GPR176: variants seen among roughly 807,000 people sequenced by gnomAD.
GPR176 encodes G-protein coupled receptor 176.
A neutral mutation model predicts 35.4 loss-of-function variants in GPR176; 26 were observed. That is an observed-to-expected ratio of 0.74 (90% CI 0.54 to 1.02). The LOEUF (loss-of-function observed/expected upper bound fraction) is 1.02, where lower values mean the gene tolerates loss of function less well. Among genes scored for constraint, GPR176 ranks in the 50% least tolerant of loss-of-function variants. The pLI, the probability that GPR176 is intolerant of heterozygous loss-of-function variation, is 0.00. For synonymous variants in GPR176, 278 were observed against 271.3 expected (o/e 1.02, Z -0.24); for missense variants, 597 against 665.3 (o/e 0.90, Z 1.13).
intron 1 of GPR176, among the ~76,000 whole-genome samples, chr15:39,807,846 C>T (rs1207666928): frequency 6.6e-6 from 1 of 152,100 alleles, no homozygotes; most frequent in Non-Finnish European, 1.5e-5. Context: ...TTTTATTTTA[C>T]ACTTACAGCA....
At chr15:39,806,915 C>A in intron 2 of GPR176, 91 bp downstream of exon 2, 2 of 1,146,028 alleles carry the variant, frequency 1.7e-6, no homozygotes, top group Non-Finnish European at 2.5e-6. Flanking sequence ...AAGCAGTATA[C>A]GGAACATTGA....
At chr15:39,882,265 G>A (rs2032504440) in intron 1 of GPR176, among the ~76,000 whole-genome samples, 1 of 152,142 alleles carries the variant, frequency 6.6e-6, no homozygotes, top group East Asian at 1.9e-4. Context: ...TGCAAGTATT[G>A]GCAAAATTAT....
intron 1 of GPR176, among the ~76,000 whole-genome samples, chr15:39,895,280 GGGGAGAGGA>G (rs2033074597): frequency 6.1e-5 from 2 of 32,898 alleles, no homozygotes; most frequent in Non-Finnish European, 1.4e-4. Flanking sequence ...GGGAGACCGT[GGGGAGAGGA>G]AGAGGGGGAG....
chr15:39,809,008 C>G (rs1037180378), intron 1 of GPR176, among the ~76,000 whole-genome samples: 3 of 152,186 alleles, frequency 2.0e-5, no homozygotes, highest in South Asian at 2.1e-4. Context: ...GCCCCATGCT[C>G]AGACTCTCAC....
Position 39,803,077 on chromosome 15 carries a change from T to C in GPR176, c.426-823A>G, listed in dbSNP as rs533692031. Among the ~76,000 whole-genome samples, 62 of 152,260 alleles carry C rather than the reference T, an allele frequency of 4.1e-4. 1 individual carries two copies. In the South Asian group the frequency reaches 0.012, roughly 29 times the overall value. On this transcript the variant is annotated intron_variant, in intron 2 of 2. Transcript: ENST00000561100. ...TCACCAGTGATTTGAGGGAACTGAATAACTCTTTGCACCCTAGAACCACAT... is the reference window on the plus strand; with the variant it reads ...TCACCAGTGATTTGAGGGAACTGAACAACTCTTTGCACCCTAGAACCACAT...
At chr15:39,885,192 CA>C (rs1359785518) in intron 1 of GPR176, among the ~76,000 whole-genome samples, 1 of 152,176 alleles carries the variant, frequency 6.6e-6, no homozygotes, top group Non-Finnish European at 1.5e-5. Context: ...GCAACAACCT[CA>C]AAGAGCATTT....
intron 1 of GPR176, among the ~76,000 whole-genome samples, chr15:39,859,327 C>A (rs964973595): frequency 1.3e-5 from 2 of 151,066 alleles, no homozygotes; most frequent in Non-Finnish European, 2.9e-5. Flanking sequence ...ACAAAAATAA[C>A]CTGATTAAAA....
chr15:39,808,478 T>G (rs532850298), intron 1 of GPR176, among the ~76,000 whole-genome samples: 137 of 152,308 alleles, frequency 9.0e-4, no homozygotes, highest in Non-Finnish European at 1.4e-3. Flanking sequence ...CCAGTCTTAG[T>G]TTAAATGCTG....
At chr15:39,868,394 TGTGA>T (rs1035582506) in intron 1 of GPR176, among the ~76,000 whole-genome samples, 3 of 152,126 alleles carry the variant, frequency 2.0e-5, no homozygotes, top group African/African-American at 7.2e-5. Flanking sequence ...CCATGCTGAC[TGTGA>T]GTATCAGGCA....
At chr15:39,903,856 A>C (rs2033349233) in intron 1 of GPR176, among the ~76,000 whole-genome samples, 1 of 152,236 alleles carries the variant, frequency 6.6e-6, no homozygotes. Context: ...GGAAGAATTC[A>C]GGACGAATCC....
At chr15:39,855,969 T>C (rs893731103) in intron 1 of GPR176, among the ~76,000 whole-genome samples, 1 of 152,218 alleles carries the variant, frequency 6.6e-6, no homozygotes, top group Non-Finnish European at 1.5e-5. Flanking sequence ...GATATCATTA[T>C]TCATTGCATT....
At chr15:39,819,332 G>A (rs902072324) in intron 1 of GPR176, among the ~76,000 whole-genome samples, 1 of 152,016 alleles carries the variant, frequency 6.6e-6, no homozygotes, top group Non-Finnish European at 1.5e-5. Flanking sequence ...AGGCTTCATG[G>A]GTTATTTCTC....
At chr15:39,918,044 T>TA (rs11410825) in intron 1 of GPR176, among the ~76,000 whole-genome samples, 97,060 of 111,414 alleles carry the variant, frequency 0.87, 42,417 homozygotes, top group Middle Eastern at 0.94. Context: ...AAACTCTGTC[T>TA]AAAAAAAAAA....
At chr15:39,835,863 G>C (rs1901369814) in intron 1 of GPR176, among the ~76,000 whole-genome samples, 1 of 152,160 alleles carries the variant, frequency 6.6e-6, no homozygotes, top group Non-Finnish European at 1.5e-5. Context: ...GGGAGGCCCA[G>C]GAGGGCAGAT....
At chr15:39,894,979 C>G (rs511727) in intron 1 of GPR176, among the ~76,000 whole-genome samples, 54,765 of 151,874 alleles carry the variant, frequency 0.36, 10,073 homozygotes, top group Admixed American at 0.43. Flanking sequence ...CTGCAATCCC[C>G]GCACCTCGGG....
At chr15:39,901,382 G>C (rs1489125998) in intron 1 of GPR176, among the ~76,000 whole-genome samples, 1 of 152,074 alleles carries the variant, frequency 6.6e-6, no homozygotes, top group Non-Finnish European at 1.5e-5. Flanking sequence ...TTACGGAAGG[G>C]GCCCTGCCTA....
In GPR176 at chr15:39,801,005, G is replaced by T; in HGVS notation, c.*127C>A. On this transcript the variant is annotated 3_prime_UTR_variant, in exon 3 of 3. Transcript: ENST00000561100. ...TTTCCCTATCATTCAAAAGCATCTGGCCCATATTGGAGGAATCAACTCACA... is the reference window on the plus strand; with the variant it reads ...TTTCCCTATCATTCAAAAGCATCTGTCCCATATTGGAGGAATCAACTCACA... 1 of 757,542 alleles carries T rather than the reference G, an allele frequency of 1.3e-6. No individual in the cohort carries two copies. The highest frequency in any genetic ancestry group is 2.2e-6 in the Non-Finnish European group (1 of 452,528). The allele number at this position is 757,542 out of a possible 1,614,324, so 46.9% of individuals were successfully genotyped here. A position where few individuals can be genotyped will look rare whatever the true frequency, so the allele number is the denominator to read the frequency against.
intron 1 of GPR176, among the ~76,000 whole-genome samples, chr15:39,916,696 G>A (rs2033734734): frequency 1.3e-5 from 2 of 152,170 alleles, no homozygotes; most frequent in Non-Finnish European, 2.9e-5. Flanking sequence ...ATGTTTGGGG[G>A]CAGAAGAAAT....
chr15:39,881,886 CAG>C (rs1411687396), intron 1 of GPR176, among the ~76,000 whole-genome samples: 2 of 152,188 alleles, frequency 1.3e-5, no homozygotes, highest in African/African-American at 4.8e-5. Context: ...AAGTTGGTCC[CAG>C]CAGCTGCCAA....
Sources: gnomAD v4.1 joint callset for allele counts (sites outside exome capture counted in the v4.1 genomes callset) on GRCh38, gnomAD v4.1.1 for gene constraint, MANE v1.5 for transcripts, NCBI Gene and HGNC (gene_info 2026-07-23, HGNC 2026-07-21) for gene names.